SPTAN1: variants seen among roughly 807,000 people sequenced by gnomAD.
SPTAN1 encodes the protein spectrin alpha, non-erythrocytic 1, also known as spectrin alpha chain, non-erythrocytic 1.
Under a neutral mutation model 331.3 loss-of-function variants are expected in SPTAN1, and 61 were observed. That is an observed-to-expected ratio of 0.18 (90% CI 0.15 to 0.23). SPTAN1 has a LOEUF of 0.23. Among genes scored for constraint, SPTAN1 ranks in the 10% least tolerant of loss-of-function variants. The pLI is 1.00. For synonymous variants in SPTAN1, 1,153 were observed against 1,173.9 expected (o/e 0.98, Z 0.36); for missense variants, 2,043 against 3,147.9 (o/e 0.65, Z 8.40).
chr9:128,604,498 G>GATCCT (rs1855570173), intron 29 of SPTAN1, 81 bp downstream of exon 29: 4 of 1,385,916 alleles, frequency 2.9e-6, no homozygotes, highest in Non-Finnish European at 1.0e-6. Flanking sequence ...TGCTGACTGA[G>GATCCT]ATCCTAGAGC....
chr9:128,588,737 A>T, intron 20 of SPTAN1, 72 bp from the exon 21 acceptor site: 2 of 1,603,368 alleles, frequency 1.2e-6, no homozygotes, highest in Non-Finnish European at 1.7e-6. Context: ...GTGGCATTTG[A>T]ATCTGCTCTG....
At chr9:128,553,637 T>G (rs1433639074) in intron 1 of SPTAN1, among the ~76,000 whole-genome samples, 3 of 152,234 alleles carry the variant, frequency 2.0e-5, no homozygotes, top group Non-Finnish European at 4.4e-5. Context: ...AAAAGTTGAA[T>G]ATGTTTTAAA....
rs528453768 is a variant in SPTAN1 at position 128,626,874 on chromosome 9, G to A, written c.6576+187G>A. 4 of 705,138 alleles carry A rather than the reference G, an allele frequency of 5.7e-6. No homozygotes were observed. In the Admixed American group the frequency reaches 9.0e-5, roughly 16 times the overall value. 43.7% of individuals were successfully genotyped at this position (705,138 alleles called of 1,614,324 possible). A position where few individuals can be genotyped will look rare whatever the true frequency, so the allele number is the denominator to read the frequency against. On this transcript the variant is annotated intron_variant, in intron 49 of 56. Transcript: ENST00000372739. ...CTGTCACCCAGGCTTCAGTGCAGTGGTGCTACCATGGCTCCCTGTAGCCTC... is the reference window on the plus strand; with the variant it reads ...CTGTCACCCAGGCTTCAGTGCAGTGATGCTACCATGGCTCCCTGTAGCCTC...
intron 48 of SPTAN1, 60 bp from the exon 49 acceptor site, chr9:128,626,331 G>T (rs780417994): frequency 6.3e-7 from 1 of 1,599,208 alleles, no homozygotes; most frequent in Non-Finnish European, 8.5e-7. Flanking sequence ...CCCACCTCCT[G>T]CACTGCGTCG....
intron 43 of SPTAN1, 74 bp from the exon 44 acceptor site, chr9:128,618,797 T>G (rs1857499827): frequency 6.2e-7 from 1 of 1,610,770 alleles, no homozygotes; most frequent in African/African-American, 1.3e-5. Flanking sequence ...TGACTGTTTT[T>G]AAGCATATGT....
At chr9:128,604,498 G>A (rs1855569867) in intron 29 of SPTAN1, 81 bp downstream of exon 29, 1 of 1,386,034 alleles carries the variant, frequency 7.2e-7, no homozygotes, top group East Asian at 2.5e-5. Context: ...TGCTGACTGA[G>A]ATCCTAGAGC....
At chr9:128,617,545 G>A in intron 41 of SPTAN1, 95 bp from the exon 42 acceptor site, 1 of 1,579,152 alleles carries the variant, frequency 6.3e-7, no homozygotes, top group Admixed American at 1.7e-5. Flanking sequence ...AGAAAGATTA[G>A]TAGATGTCTG....
chr9:128,557,966 G>A (rs1179966151), intron 1 of SPTAN1, among the ~76,000 whole-genome samples: 1 of 151,994 alleles, frequency 6.6e-6, no homozygotes, highest in African/African-American at 2.4e-5. Flanking sequence ...ACCACGCCCG[G>A]CTAATTTTTT....
intron 52 of SPTAN1, among the ~76,000 whole-genome samples, chr9:128,630,835 G>A (rs190403400): frequency 4.7e-4 from 72 of 152,240 alleles, no homozygotes; most frequent in African/African-American, 1.6e-3. Flanking sequence ...CTCCCAAGTA[G>A]CTGGGATTAC....
chr9:128,618,490 T>A (rs1006214942), intron 43 of SPTAN1, among the ~76,000 whole-genome samples: 2 of 151,754 alleles, frequency 1.3e-5, no homozygotes, highest in African/African-American at 4.8e-5. Context: ...GTGAATGTTT[T>A]TGTTTTTGTT....
At chr9:128,611,175 G>T (rs1856518510) in intron 37 of SPTAN1, among the ~76,000 whole-genome samples, 1 of 152,190 alleles carries the variant, frequency 6.6e-6, no homozygotes, top group African/African-American at 2.4e-5. Flanking sequence ...GCTACTGCAA[G>T]AATTGATTTT....
Position 128,626,606 on chromosome 9 carries a change from C to A in SPTAN1, c.6495C>A (p.Phe2165Leu). The A allele has an allele frequency of 6.2e-7, 1 of 1,614,002 alleles. No individual in the cohort carries two copies. The highest frequency in any genetic ancestry group is 8.5e-7 in the Non-Finnish European group (1 of 1,179,974). Residue 2165 changes from phenylalanine (F) to leucine (L), a missense_variant, in exon 49 of 57, where the codon TTC becomes TTA. Phe to Leu is a conservative substitution (Grantham distance 22). This residue lies in a region of SPTAN1 where 256 missense variants were observed against 376.4 expected (regional missense o/e 0.68). Coordinates refer to ENST00000372739, the MANE Select transcript of SPTAN1 (RefSeq NM_001130438.3). ...LAELDRQIKS[F>L]RVASNPYTWF... ...AGCTGGACCGCCAGATCAAGAGCTT[C>A]CGCGTAGCCTCCAACCCCTACACCT...
intron 21 of SPTAN1, among the ~76,000 whole-genome samples, chr9:128,591,253 A>G (rs1273693759): frequency 6.6e-6 from 1 of 151,758 alleles, no homozygotes; most frequent in Non-Finnish European, 1.5e-5. Context: ...TTTTTAGTAG[A>G]GACGGGGTTT....
At chr9:128,614,887 T>C (rs946245253) in intron 40 of SPTAN1, among the ~76,000 whole-genome samples, 2 of 152,250 alleles carry the variant, frequency 1.3e-5, no homozygotes, top group Admixed American at 6.5e-5. Context: ...AGCTCTTACC[T>C]GTGCATGATT....
chr9:128,613,434 CA>C lies in SPTAN1; in HGVS notation c.5099del (p.Asn1700ThrfsTer3). On this transcript the variant is annotated frameshift_variant, in exon 40 of 57. Coordinates refer to ENST00000372739, the MANE Select transcript of SPTAN1 (RefSeq NM_001130438.3). LOFTEE classifies it high-confidence loss of function. ...DYGKDLASVN[N>X]LLKKHQLLEA... ...ATGGCAAAGACCTAGCTTCTGTGAA[CA>C]ACCTGCTGAAAAAGCATCAACTGCT... 6.2e-7 allele frequency: 1 copy of C among 1,614,254 alleles called. No individual in the cohort carries two copies. The highest frequency in any genetic ancestry group is 8.5e-7 in the Non-Finnish European group (1 of 1,180,048).
In SPTAN1 at chr9:128,632,966, C is replaced by T. The variant is rs1329083059; in HGVS notation, c.7308+11C>T. Reference sequence around the variant, plus strand: ...GAGGAGCTCTACCAGGTATGGGCCTCAGGAGGTGGGTGAAGAGGTGTCCTT... The same window carrying T: ...GAGGAGCTCTACCAGGTATGGGCCTTAGGAGGTGGGTGAAGAGGTGTCCTT... On this transcript the variant is annotated intron_variant, in intron 56 of 56. Transcript: ENST00000372739. The T allele has an allele frequency of 2.5e-6, 4 of 1,610,762 alleles. No individual in the cohort carries two copies. In the South Asian group the frequency reaches 4.4e-5, roughly 18 times the overall value.
chr9:128,560,970 A>G (rs1472305658), intron 1 of SPTAN1, among the ~76,000 whole-genome samples: 1 of 139,916 alleles, frequency 7.1e-6, no homozygotes, highest in Non-Finnish European at 1.5e-5. Flanking sequence ...GAACCCAGAT[A>G]GCATCACTGC....
chr9:128,578,290 A>G, intron 9 of SPTAN1, 45 bp downstream of exon 9: 2 of 1,610,542 alleles, frequency 1.2e-6, no homozygotes, highest in African/African-American at 1.3e-5. Flanking sequence ...ATTTTAGCTT[A>G]TAATGCACCA....
At chr9:128,614,258 C>T (rs1180618117) in intron 40 of SPTAN1, among the ~76,000 whole-genome samples, 1 of 151,952 alleles carries the variant, frequency 6.6e-6, no homozygotes, top group Admixed American at 6.6e-5. Flanking sequence ...AGTTCAAGAC[C>T]AGCCTGGGCA....
Sources: allele counts gnomAD v4.1 joint callset (sites outside exome capture counted in the v4.1 genomes callset), GRCh38; gene constraint gnomAD v4.1.1; regional missense constraint gnomAD v4.1.1; transcripts MANE v1.5; gene names NCBI Gene and HGNC (gene_info 2026-07-23, HGNC 2026-07-21).